GRK5: variants seen among roughly 807,000 people sequenced by gnomAD.
GRK5 encodes g protein-coupled receptor kinase GRK5.
In GRK5, 40 loss-of-function variants were observed where a neutral mutation model predicts 78.4. That is an observed-to-expected ratio of 0.51 (90% CI 0.40 to 0.66). The LOEUF is 0.66. Among genes scored for constraint, GRK5 ranks in the 30% least tolerant of loss-of-function variants. The pLI is 0.00. For synonymous variants in GRK5, 289 were observed against 296.8 expected (o/e 0.97, Z 0.27); for missense variants, 598 against 759.9 (o/e 0.79, Z 2.50).
At chr10:119,284,339 C>A (rs890752677) in intron 1 of GRK5, among the ~76,000 whole-genome samples, 18 of 151,952 alleles carry the variant, frequency 1.2e-4, no homozygotes, top group South Asian at 6.2e-4. Flanking sequence ...AAATCCTTTT[C>A]TTTTTTGTAG....
Position 119,457,424 on chromosome 10 carries a change from G to C in GRK5, c.*2357G>C, listed in dbSNP as rs1853416734. The C allele has an allele frequency of 6.6e-6, 1 of 152,176 alleles. No homozygotes were observed. Among genetic ancestry groups the C allele is most frequent in the South Asian group, 2.1e-4 (1 of 4,830 alleles). The allele number at this position is 152,176 out of a possible 1,614,324, so 9.4% of individuals were successfully genotyped here. ...GAGAGCTCTGGCGATACTACCACAA[G>C]GCCTGCACGTGGACTCTATGATAAC... On this transcript the variant is annotated 3_prime_UTR_variant, in exon 16 of 16. Transcript: ENST00000392870.
intron 1 of GRK5, among the ~76,000 whole-genome samples, chr10:119,318,818 A>G (rs1404177327): frequency 1.3e-5 from 2 of 151,224 alleles, no homozygotes; most frequent in Non-Finnish European, 2.9e-5. Context: ...CACAAACACC[A>G]CTCTCAGAAA....
At chr10:119,314,163 GC>G (rs2133745687) in intron 1 of GRK5, among the ~76,000 whole-genome samples, 1 of 152,360 alleles carries the variant, frequency 6.6e-6, no homozygotes, top group South Asian at 2.1e-4. Context: ...CTACCCCGTG[GC>G]TTTTGCCCCC....
Position 119,453,538 on chromosome 10 carries a change from C to T in GRK5, c.1674+262C>T, listed in dbSNP as rs192134912. 1.6e-3 allele frequency among the ~76,000 whole-genome samples: 243 copies of T among 152,302 alleles called. 2 individuals are homozygous for T. Among genetic ancestry groups the T allele is most frequent in the African/African-American group, 5.2e-3 (215 of 41,554 alleles). ...CCTTGACACTGTTGGCGCCTGGGGCCGGTTAATTCCTTGTCACAGTGCCGT... is the reference window on the plus strand; with the variant it reads ...CCTTGACACTGTTGGCGCCTGGGGCTGGTTAATTCCTTGTCACAGTGCCGT... On this transcript the variant is annotated intron_variant, in intron 15 of 15. Coordinates refer to ENST00000392870, the MANE Select transcript of GRK5 (RefSeq NM_005308.3).
chr10:119,442,237 G>C (rs914416849), intron 11 of GRK5, 149 bp downstream of exon 11: 6 of 720,430 alleles, frequency 8.3e-6, no homozygotes, highest in Non-Finnish European at 1.4e-5. Context: ...GGGCTGCTGG[G>C]GGGCGGCCTT....
chr10:119,225,495 T>C lies in GRK5; in HGVS notation c.52+17526T>C, dbSNP rs148593477. On this transcript the variant is annotated intron_variant, in intron 1 of 15. Coordinates refer to ENST00000392870, the MANE Select transcript of GRK5 (RefSeq NM_005308.3). ...CTGTTGTCACATACGGGGGAAGAGGTTGGGAGGGGAATGGGCCCTATCAAG... is the reference window on the plus strand; with the variant it reads ...CTGTTGTCACATACGGGGGAAGAGGCTGGGAGGGGAATGGGCCCTATCAAG... 4.6e-3 allele frequency among the ~76,000 whole-genome samples: 692 copies of C among 151,846 alleles called. 2 individuals are homozygous for C. Among genetic ancestry groups the C allele is most frequent in the Admixed American group, 6.5e-3 (99 of 15,240 alleles).
intron 4 of GRK5, among the ~76,000 whole-genome samples, chr10:119,413,147 G>A (rs1237471833): frequency 2.6e-5 from 4 of 152,012 alleles, no homozygotes; most frequent in Admixed American, 6.6e-5. Context: ...AGACCGACAC[G>A]GCGGTACCTA....
chr10:119,274,647 C>T (rs2133679592), intron 1 of GRK5, among the ~76,000 whole-genome samples: 1 of 152,318 alleles, frequency 6.6e-6, no homozygotes, highest in South Asian at 2.1e-4. Flanking sequence ...GTATTTCTCC[C>T]TCTAGACTGT....
At chr10:119,322,800 T>A (rs1451575235) in intron 1 of GRK5, among the ~76,000 whole-genome samples, 1 of 152,204 alleles carries the variant, frequency 6.6e-6, no homozygotes, top group Non-Finnish European at 1.5e-5. Flanking sequence ...ATTTCCCTCC[T>A]GAGTATATAC....
intron 1 of GRK5, 41 bp downstream of exon 1, chr10:119,208,010 G>C (rs749963451): frequency 1.3e-6 from 2 of 1,584,932 alleles, no homozygotes; most frequent in Non-Finnish European, 8.6e-7. Context: ...CGTCCGCCGC[G>C]GGCCAGGGTG....
At chr10:119,444,014 A>G (rs1426524010) in intron 12 of GRK5, among the ~76,000 whole-genome samples, 2 of 151,982 alleles carry the variant, frequency 1.3e-5, no homozygotes, top group African/African-American at 4.8e-5. Context: ...ACAGTGTGGA[A>G]CACCCTCACA....
intron 1 of GRK5, among the ~76,000 whole-genome samples, chr10:119,269,676 C>CA (rs1378888954): frequency 2.6e-5 from 4 of 151,392 alleles, no homozygotes; most frequent in Non-Finnish European, 5.9e-5. Context: ...ACTAAAAATA[C>CA]AAAAAAATTA....
chr10:119,394,230 G>GTTTGTGAGTATCCGTGTGTGTGT (rs1306168257), intron 3 of GRK5, among the ~76,000 whole-genome samples: 4 of 143,220 alleles, frequency 2.8e-5, no homozygotes, highest in African/African-American at 5.2e-5. Flanking sequence ...GTGTGGGTGT[G>GTTTGTGAGTATCCGTGTGTGTGT]GGTGTGTGGG....
At position 119,455,079 on chromosome 10, in the gene GRK5, G is replaced by A; in HGVS notation, c.*12G>A. On this transcript the variant is annotated 3_prime_UTR_variant, in exon 16 of 16. Transcript: ENST00000392870. Reference sequence around the variant, plus strand: ...CCGGAAGCAGCTAGTTTCGGCTCTGGCCTCCAAGTCCACAGTGGAACCAGC... The same window carrying A: ...CCGGAAGCAGCTAGTTTCGGCTCTGACCTCCAAGTCCACAGTGGAACCAGC... The A allele has an allele frequency of 6.3e-7, 1 of 1,599,248 alleles. No individual in the cohort carries two copies.
intron 4 of GRK5, among the ~76,000 whole-genome samples, chr10:119,397,898 C>T (rs1411600555): frequency 6.6e-6 from 1 of 152,246 alleles, no homozygotes; most frequent in African/African-American, 2.4e-5. Flanking sequence ...ACCTTGTTGC[C>T]TCCCCTTGCT....
At chr10:119,360,680 C>T (rs1406879811) in intron 2 of GRK5, among the ~76,000 whole-genome samples, 1 of 152,212 alleles carries the variant, frequency 6.6e-6, no homozygotes, top group East Asian at 1.9e-4. Flanking sequence ...AGGAGCCCCT[C>T]TCGCAGCTCC....
At chr10:119,432,848 A>C (rs1408007860) in intron 8 of GRK5, among the ~76,000 whole-genome samples, 1 of 152,220 alleles carries the variant, frequency 6.6e-6, no homozygotes, top group South Asian at 2.1e-4. Flanking sequence ...AGGCAGACAG[A>C]TCACTTGAGA....
rs115961774 is a variant in GRK5 at position 119,252,116 on chromosome 10, C to T, written c.52+44147C>T. ...GACCATCCCTCTTGCTGCTGGCCTGCGTGGCGTGCTCGTGCCGATAGGGGC... is the reference window on the plus strand; with the variant it reads ...GACCATCCCTCTTGCTGCTGGCCTGTGTGGCGTGCTCGTGCCGATAGGGGC... On this transcript the variant is annotated intron_variant, in intron 1 of 15. Transcript: ENST00000392870. Among the ~76,000 whole-genome samples the T allele has an allele frequency of 4.6e-3, 700 of 152,288 alleles. 1 individual carries two copies. Among genetic ancestry groups the T allele is most frequent in the African/African-American group, 0.016 (671 of 41,550 alleles).
At position 119,212,584 on chromosome 10, in the gene GRK5, C is replaced by G. The variant is rs369809551; in HGVS notation, c.52+4615C>G. Among the ~76,000 whole-genome samples the G allele has an allele frequency of 1.2e-4, 18 of 152,322 alleles. No homozygotes were observed. The South Asian group carries it at 3.7e-3, about 32-fold the overall frequency. On this transcript the variant is annotated intron_variant, in intron 1 of 15. Transcript: ENST00000392870. ...CATATCTGGGATGTTTTAAATAAAA[C>G]TATCCAGGACTGTGGGCAATATTCA...
Sources: gnomAD v4.1 joint callset for allele counts (sites outside exome capture counted in the v4.1 genomes callset) on GRCh38, gnomAD v4.1.1 for gene constraint, MANE v1.5 for transcripts, NCBI Gene and HGNC (gene_info 2026-07-23, HGNC 2026-07-21) for gene names.